Variants in NXPH1 observed in about 807,000 individuals in gnomAD.
NXPH1 encodes the protein neurexophilin 1.
Under a neutral mutation model 23.7 loss-of-function variants are expected in NXPH1, and 5 were observed. That is an observed-to-expected ratio of 0.21 (90% confidence interval 0.11 to 0.44). The LOEUF is 0.44. Among genes scored for constraint, NXPH1 ranks in the 20% least tolerant of loss-of-function variants. The probability of loss-of-function intolerance (pLI) is 0.99; values close to 1 mark genes in which losing one functional copy is unlikely to be tolerated. For synonymous variants in NXPH1, 144 were observed against 122.2 expected, an observed-to-expected ratio of 1.18 and a Z score of -1.18; for missense variants, 324 against 321.6, an observed-to-expected ratio of 1.01 and a Z score of -0.06.
chr7:8,518,937 C>T (rs910685658), intron 2 of NXPH1, among the ~76,000 whole-genome samples: 1 of 151,794 alleles, frequency 6.6e-6, no homozygotes, highest in Non-Finnish European at 1.5e-5. Context: ...TTTTTTCTCC[C>T]CAAAGGCTGG....
At position 8,435,584 on chromosome 7, in the gene NXPH1, C is replaced by G; in HGVS notation, c.-110-20C>G. On this transcript the variant is annotated intron_variant, in intron 1 of 2. Transcript: ENST00000405863. The surrounding 1 kb of genome is among the most constrained non-coding windows in gnomAD (Gnocchi z 5.9). ...CCTTGCCCGCGTAGTCATGGGATGT[C>G]TAATTTTATTTGCATCTAGGCTGCT... 1 of 823,618 alleles carries G rather than the reference C, an allele frequency of 1.2e-6. No individual in the cohort carries two copies. Among genetic ancestry groups the G allele is most frequent in the Non-Finnish European group, 2.1e-6 (1 of 476,000 alleles). The allele number at this position is 823,618 out of a possible 1,614,324, so 51.0% of individuals were successfully genotyped here. A position where few individuals can be genotyped will look rare whatever the true frequency, so the allele number is the denominator to read the frequency against.
At chr7:8,551,664 A>T (rs1375567934) in intron 2 of NXPH1, among the ~76,000 whole-genome samples, 1 of 151,442 alleles carries the variant, frequency 6.6e-6, no homozygotes, top group Non-Finnish European at 1.5e-5. Context: ...AAACAGAAAA[A>T]CATTCTTTTA....
At chr7:8,738,506 G>C (rs892511455) in intron 2 of NXPH1, among the ~76,000 whole-genome samples, 1 of 152,178 alleles carries the variant, frequency 6.6e-6, no homozygotes, top group African/African-American at 2.4e-5. Context: ...CTTTGTCCCA[G>C]AGGGACACCT....
At chr7:8,473,337 C>T (rs1299737715) in intron 2 of NXPH1, among the ~76,000 whole-genome samples, 2 of 152,138 alleles carry the variant, frequency 1.3e-5, no homozygotes, top group Non-Finnish European at 2.9e-5. Context: ...TGTTATCCAT[C>T]ATAAATGTAC....
chr7:8,500,990 G>A (rs1817421290), intron 2 of NXPH1, among the ~76,000 whole-genome samples: 1 of 152,052 alleles, frequency 6.6e-6, no homozygotes, highest in Non-Finnish European at 1.5e-5. Context: ...AAATAGCATG[G>A]AAGAGGTCTC....
chr7:8,448,682 C>G (rs529552469), intron 2 of NXPH1, among the ~76,000 whole-genome samples: 1 of 151,958 alleles, frequency 6.6e-6, no homozygotes, highest in African/African-American at 2.4e-5. Context: ...CCGGGTGTGG[C>G]GGCACATGCC....
At chr7:8,706,052 A>G (rs539139064) in intron 2 of NXPH1, among the ~76,000 whole-genome samples, 1 of 152,286 alleles carries the variant, frequency 6.6e-6, no homozygotes, top group East Asian at 1.9e-4. Flanking sequence ...ATGTATCTGG[A>G]AATGGAGATA....
chr7:8,601,151 A>T (rs1253806058), intron 2 of NXPH1, among the ~76,000 whole-genome samples: 1 of 152,074 alleles, frequency 6.6e-6, no homozygotes, highest in Non-Finnish European at 1.5e-5. Flanking sequence ...ATACCGAGGG[A>T]TGAGTTTATA....
intron 2 of NXPH1, among the ~76,000 whole-genome samples, chr7:8,583,501 A>G (rs549141733): frequency 6.6e-6 from 1 of 152,318 alleles, no homozygotes; most frequent in East Asian, 1.9e-4. Flanking sequence ...CATTCAATGC[A>G]TGTTTGCTAT....
chr7:8,495,842 A>G (rs990032444), intron 2 of NXPH1, among the ~76,000 whole-genome samples: 1 of 152,032 alleles, frequency 6.6e-6, no homozygotes, highest in South Asian at 2.1e-4. Context: ...GCAGCAGGAT[A>G]GACATGGCTG....
chr7:8,738,818 T>C (rs1158094440), intron 2 of NXPH1, among the ~76,000 whole-genome samples: 1 of 152,158 alleles, frequency 6.6e-6, no homozygotes, highest in Non-Finnish European at 1.5e-5. Context: ...AGAGATGCCC[T>C]GACCAGGGAG....
At chr7:8,684,572 A>T (rs923490111) in intron 2 of NXPH1, among the ~76,000 whole-genome samples, 3 of 152,192 alleles carry the variant, frequency 2.0e-5, no homozygotes, top group Non-Finnish European at 2.9e-5. Flanking sequence ...TCAGAGCTTC[A>T]TGATCGTCTT....
At chr7:8,631,832 T>G (rs1309718076) in intron 2 of NXPH1, among the ~76,000 whole-genome samples, 1 of 152,190 alleles carries the variant, frequency 6.6e-6, no homozygotes, top group Non-Finnish European at 1.5e-5. Context: ...AAGTTATACC[T>G]TAGAAGTGTT....
At chr7:8,589,404 A>C (rs149132991) in intron 2 of NXPH1, among the ~76,000 whole-genome samples, 1 of 152,254 alleles carries the variant, frequency 6.6e-6, no homozygotes, top group African/African-American at 2.4e-5. Context: ...ACTATCCAGA[A>C]GGAGAAAGTA....
intron 2 of NXPH1, among the ~76,000 whole-genome samples, chr7:8,566,909 C>T (rs1260213816): frequency 6.6e-6 from 1 of 151,732 alleles, no homozygotes; most frequent in Non-Finnish European, 1.5e-5. Flanking sequence ...CTCTGGAGAA[C>T]ACTAATACAG....
intron 2 of NXPH1, among the ~76,000 whole-genome samples, chr7:8,696,503 C>T (rs1188379775): frequency 4.6e-5 from 7 of 152,058 alleles, no homozygotes; most frequent in African/African-American, 7.2e-5. Flanking sequence ...TTTTTCGGAT[C>T]CCATAGGTTG....
At chr7:8,544,085 G>A (rs752411092) in intron 2 of NXPH1, among the ~76,000 whole-genome samples, 2 of 151,588 alleles carry the variant, frequency 1.3e-5, no homozygotes, top group Non-Finnish European at 3.0e-5. Context: ...TGGGGCACAT[G>A]TTGCCTCTTA....
At chr7:8,615,510 C>T (rs1207634967) in intron 2 of NXPH1, among the ~76,000 whole-genome samples, 1 of 152,018 alleles carries the variant, frequency 6.6e-6, no homozygotes, top group African/African-American at 2.4e-5. Context: ...GATGGGAGGG[C>T]ATAATCTTTC....
At chr7:8,744,041 C>T (rs1018082826) in intron 2 of NXPH1, among the ~76,000 whole-genome samples, 5 of 152,266 alleles carry the variant, frequency 3.3e-5, no homozygotes, top group African/African-American at 1.2e-4. Context: ...GGTTTTTTCT[C>T]TCTAGCCCCA....
Sources: gnomAD v4.1 joint callset for allele counts (sites outside exome capture counted in the v4.1 genomes callset) on GRCh38, gnomAD v4.1.1 for gene constraint, Gnocchi (gnomAD v3.1) non-coding constraint, MANE v1.5 for transcripts, NCBI Gene and HGNC (gene_info 2026-07-23, HGNC 2026-07-21) for gene names.